The following CERKL variants were observed in gnomAD, a reference collection of about 807,000 sequenced individuals.
CERKL encodes the protein ceramide kinase-like protein.
A neutral mutation model predicts 63.4 loss-of-function variants in CERKL; 61 were observed. That is an observed-to-expected ratio of 0.96 (90% CI 0.78 to 1.19). The LOEUF is 1.19. Among genes scored for constraint, CERKL ranks in the 50% most tolerant of loss-of-function variants. The pLI is 0.00. For synonymous variants in CERKL, 250 were observed against 230.5 expected (o/e 1.08, Z -0.77); for missense variants, 675 against 655.5 (o/e 1.03, Z -0.33).
chr2:181,621,936 A>G (rs1686472577), intron 1 of CERKL, among the ~76,000 whole-genome samples: 1 of 152,212 alleles, frequency 6.6e-6, no homozygotes, highest in African/African-American at 2.4e-5. Context: ...AACACTGTGC[A>G]GTCTTTTAGA....
At chr2:181,551,941 A>C (rs893856369) in intron 5 of CERKL, among the ~76,000 whole-genome samples, 4 of 152,170 alleles carry the variant, frequency 2.6e-5, no homozygotes, top group Non-Finnish European at 4.4e-5. Flanking sequence ...TCTTCAGATT[A>C]GGGACAATCA....
chr2:181,656,634 G>T, intron 1 of CERKL, 135 bp downstream of exon 1: 2 of 763,020 alleles, frequency 2.6e-6, no homozygotes, highest in Non-Finnish European at 2.0e-6. Context: ...TAACCTGTCC[G>T]GGCAGTGAGG....
chr2:181,637,006 A>AAT (rs1687207715), intron 1 of CERKL, among the ~76,000 whole-genome samples: 2 of 152,182 alleles, frequency 1.3e-5, no homozygotes, highest in Non-Finnish European at 2.9e-5. Context: ...AGACCCCATA[A>AAT]TTGGTGCTCC....
At chr2:181,582,516 C>CATATATATATATATATATATAT (rs59483712) in intron 2 of CERKL, among the ~76,000 whole-genome samples, 11 of 142,892 alleles carry the variant, frequency 7.7e-5, no homozygotes, top group African/African-American at 2.9e-4. Context: ...ATATTGTCAA[C>CATATATATATATATATATATAT]ATATATATAT....
At chr2:181,569,110 G>A (rs1200214238) in intron 3 of CERKL, among the ~76,000 whole-genome samples, 2 of 151,862 alleles carry the variant, frequency 1.3e-5, no homozygotes, top group African/African-American at 2.4e-5. Flanking sequence ...TCACTTTTTT[G>A]TATATACCCC....
At chr2:181,548,478 T>C (rs1321407312) in intron 8 of CERKL, 67 bp downstream of exon 8, 6 of 1,145,466 alleles carry the variant, frequency 5.2e-6, no homozygotes, top group Middle Eastern at 2.2e-4. Flanking sequence ...GTCTGATCAA[T>C]TGTTTGTCAG....
intron 3 of CERKL, among the ~76,000 whole-genome samples, chr2:181,572,126 C>CCT (rs971942848): frequency 9.2e-5 from 14 of 152,078 alleles, no homozygotes; most frequent in African/African-American, 3.1e-4. Flanking sequence ...CTCCGCCCCC[C>CCT]CTCCCAACTT....
intron 2 of CERKL, among the ~76,000 whole-genome samples, chr2:181,593,915 A>G (rs1039110358): frequency 6.6e-6 from 1 of 151,966 alleles, no homozygotes; most frequent in Non-Finnish European, 1.5e-5. Flanking sequence ...AGGCCTGGAT[A>G]GGAATCTTGT....
At chr2:181,607,995 ATTTC>A (rs954910958) in intron 1 of CERKL, among the ~76,000 whole-genome samples, 103 of 152,256 alleles carry the variant, frequency 6.8e-4, no homozygotes, top group Middle Eastern at 3.4e-3. Flanking sequence ...ATATCTTTTC[ATTTC>A]TTTTTCTTTA....
chr2:181,582,408 T>C (rs1485007804), intron 2 of CERKL, among the ~76,000 whole-genome samples: 2 of 152,142 alleles, frequency 1.3e-5, no homozygotes, highest in Admixed American at 1.3e-4. Context: ...GCATATTTAA[T>C]GTACTACAGT....
At chr2:181,626,264 A>C (rs1686699483) in intron 1 of CERKL, among the ~76,000 whole-genome samples, 1 of 152,150 alleles carries the variant, frequency 6.6e-6, no homozygotes, top group African/African-American at 2.4e-5. Context: ...AAAACAATGA[A>C]GACTAAGAGA....
chr2:181,560,118 AT>A (rs962256936), intron 4 of CERKL, among the ~76,000 whole-genome samples: 3 of 152,152 alleles, frequency 2.0e-5, no homozygotes, highest in African/African-American at 7.2e-5. Flanking sequence ...ATCTTTATGA[AT>A]GAAAAAAACC....
At chr2:181,622,449 T>C (rs1017103574) in intron 1 of CERKL, among the ~76,000 whole-genome samples, 10 of 152,218 alleles carry the variant, frequency 6.6e-5, no homozygotes, top group South Asian at 2.1e-4. Flanking sequence ...AAAGGCATGT[T>C]TGCTAACTTG....
chr2:181,547,203 T>G (rs1052761818), intron 10 of CERKL, among the ~76,000 whole-genome samples: 2 of 152,164 alleles, frequency 1.3e-5, no homozygotes, highest in African/African-American at 4.8e-5. Flanking sequence ...ATCAGCAGCA[T>G]GAAAACAGAC....
chr2:181,613,083 T>A (rs1050213510), intron 1 of CERKL, among the ~76,000 whole-genome samples: 7 of 151,474 alleles, frequency 4.6e-5, no homozygotes, highest in African/African-American at 1.7e-4. Flanking sequence ...TTAGCCATAG[T>A]CACAATGCTA....
At position 181,571,711 on chromosome 2, in the gene CERKL, C is replaced by T. The variant is rs151216615; in HGVS notation, c.613+2042G>A. 3.3e-5 allele frequency among the ~76,000 whole-genome samples: 5 copies of T among 152,172 alleles called. No homozygotes were observed. In the East Asian group the frequency reaches 9.7e-4, roughly 29 times the overall value. ...AGAGCCTTCCTAGAAGTCATTTTGC[C>T]CTTTCTTCTCCCTAACAGAATCCAG... On this transcript the variant is annotated intron_variant, in intron 3 of 12. Transcript: ENST00000410087.
At chr2:181,539,038 A>G in intron 12 of CERKL, 54 bp downstream of exon 12, 11 of 1,261,632 alleles carry the variant, frequency 8.7e-6, no homozygotes, top group Non-Finnish European at 1.3e-5. Context: ...TTTCGTTGTA[A>G]TATTAGATTT....
At chr2:181,643,292 C>G (rs1203540031) in intron 1 of CERKL, among the ~76,000 whole-genome samples, 6 of 152,178 alleles carry the variant, frequency 3.9e-5, no homozygotes, top group African/African-American at 1.2e-4. Context: ...AACAGTAACT[C>G]AGACATGTTA....
chr2:181,544,858 TG>T, intron 10 of CERKL, 62 bp from the exon 11 acceptor site: 1 of 921,974 alleles, frequency 1.1e-6, no homozygotes, highest in Non-Finnish European at 1.7e-6. Context: ...CCAAAAATTA[TG>T]ACATACTGTT....
Sources: allele counts gnomAD v4.1 joint callset (sites outside exome capture counted in the v4.1 genomes callset), GRCh38; gene constraint gnomAD v4.1.1; transcripts MANE v1.5; gene names NCBI Gene and HGNC (gene_info 2026-07-23, HGNC 2026-07-21).